Variants in ZNF679 observed in about 807,000 individuals in gnomAD.
ZNF679 encodes zinc finger protein 679, also known as hypothetical protein MGC42415.
ZNF679 carries 10 observed loss-of-function variants against 13.4 expected under a neutral mutation model. The observed-to-expected ratio is 0.75, with a 90% CI of 0.46 to 1.27. The LOEUF (loss-of-function observed/expected upper bound fraction) is 1.27, where lower values mean the gene tolerates loss of function less well. ZNF679 is among the 50% of genes most tolerant of loss of function. ZNF679 has a pLI of 0.00. For synonymous variants in ZNF679, 179 were observed against 162.5 expected (o/e 1.10, Z -0.77); for missense variants, 525 against 477.8 (o/e 1.10, Z -0.92).
intron 1 of ZNF679, 56 bp from the exon 2 acceptor site, chr7:64,248,972 G>A (rs1432318883): frequency 1.3e-4 from 150 of 1,162,432 alleles, no homozygotes; most frequent in Non-Finnish European, 4.9e-5. Flanking sequence ...CATGCAGCTG[G>A]AGAGAACAGG....
At chr7:64,231,975 T>C (rs1787645622) in intron 1 of ZNF679, among the ~76,000 whole-genome samples, 1 of 152,218 alleles carries the variant, frequency 6.6e-6, no homozygotes, top group Non-Finnish European at 1.5e-5. Flanking sequence ...CAATTCACAA[T>C]CTCAACAGTG....
intron 1 of ZNF679, among the ~76,000 whole-genome samples, chr7:64,242,704 T>G (rs1787814143): frequency 6.6e-6 from 1 of 152,144 alleles, no homozygotes; most frequent in African/African-American, 2.4e-5. Context: ...TGGGCCCTAC[T>G]ATAACACTCT....
chr7:64,230,841 G>A (rs1317896553), intron 1 of ZNF679, among the ~76,000 whole-genome samples: 2 of 152,206 alleles, frequency 1.3e-5, no homozygotes, highest in Non-Finnish European at 1.5e-5. Context: ...CAAGACCCCT[G>A]CAGACCTTTT....
chr7:64,240,395 A>T (rs1213677069), intron 1 of ZNF679, among the ~76,000 whole-genome samples: 1 of 152,178 alleles, frequency 6.6e-6, no homozygotes, highest in Non-Finnish European at 1.5e-5. Context: ...AAGAGAACAG[A>T]TTTTAACTCT....
At position 64,249,161 on chromosome 7, in the gene ZNF679, G is replaced by T; in HGVS notation, c.39+5G>T. ...TCCCCTGGAAGCCGAGAAATGGTGA[G>T]TGCTGGGTCTGTCACCGTGAGAGAG... On this transcript the variant is annotated splice_donor_5th_base_variant and intron_variant, in intron 2 of 4. Coordinates refer to ENST00000421025, the MANE Select transcript of ZNF679 (RefSeq NM_153363.3). 2 of 1,614,146 alleles carry T rather than the reference G, an allele frequency of 1.2e-6. No homozygotes were observed. The highest frequency in any genetic ancestry group is 2.2e-5 in the South Asian group (2 of 91,084).
intron 2 of ZNF679, among the ~76,000 whole-genome samples, chr7:64,255,523 TA>T (rs1048674178): frequency 6.6e-6 from 1 of 152,168 alleles, no homozygotes; most frequent in Admixed American, 6.5e-5. Context: ...GACACAGGAC[TA>T]AATCAGAGTA....
intron 1 of ZNF679, among the ~76,000 whole-genome samples, chr7:64,234,290 A>G (rs1787679363): frequency 6.6e-6 from 1 of 152,216 alleles, no homozygotes; most frequent in Non-Finnish European, 1.5e-5. Context: ...TGTGCACTCA[A>G]ACAGTGCAAA....
intron 4 of ZNF679, among the ~76,000 whole-genome samples, chr7:64,261,633 A>G (rs1229218641): frequency 6.6e-6 from 1 of 152,060 alleles, no homozygotes; most frequent in Non-Finnish European, 1.5e-5. Flanking sequence ...TTTTCTCATC[A>G]ACAACTTACA....
rs141724301 is a variant in ZNF679 at position 64,255,998 on chromosome 7, G to A, written c.40-4223G>A. On this transcript the variant is annotated intron_variant, in intron 2 of 4. Transcript: ENST00000421025. ...TAAAATCATATCATGAAGTTTTTGT[G>A]TGCAGATTATTTTATCACTCAGGTA... Among the ~76,000 whole-genome samples, 137 of 152,156 alleles carry A rather than the reference G, an allele frequency of 9.0e-4. 1 individual carries two copies. The highest frequency in any genetic ancestry group is 3.5e-3 in the South Asian group (17 of 4,814).
In ZNF679 at chr7:64,266,279, G is replaced by C. The variant is rs1241981396; in HGVS notation, c.646G>C (p.Glu216Gln). 6.3e-7 allele frequency: 1 copy of C among 1,597,782 alleles called. No individual in the cohort carries two copies. Among genetic ancestry groups the C allele is most frequent in the Admixed American group, 1.8e-5 (1 of 56,680 alleles). The change falls in exon 5 of 5, where the codon GAA becomes CAA. Residue 216 changes from glutamate to glutamine, a missense_variant. Coordinates refer to ENST00000421025, the MANE Select transcript of ZNF679 (RefSeq NM_153363.3). ...TAGGGAGAATTCCTACCAATGTGAA[G>C]AATGCGGCAAACCCTTCAACTGCTC... is the stretch of plus-strand genomic sequence containing the variant. ...HTRENSYQCE[E>Q]CGKPFNCSST...
chr7:64,246,359 T>C (rs1365640199), intron 1 of ZNF679, among the ~76,000 whole-genome samples: 1 of 152,152 alleles, frequency 6.6e-6, no homozygotes, highest in African/African-American at 2.4e-5. Flanking sequence ...CCTTTTGTGA[T>C]TCACTGAAAA....
At chr7:64,248,427 C>T (rs940870296) in intron 1 of ZNF679, among the ~76,000 whole-genome samples, 3 of 152,004 alleles carry the variant, frequency 2.0e-5, no homozygotes, top group African/African-American at 7.2e-5. Flanking sequence ...GGACTACAGA[C>T]GCCCGCCAAC....
In ZNF679 at chr7:64,266,356, A is replaced by T; in HGVS notation, c.723A>T (p.Arg241Ser). The change falls in exon 5 of 5, where the codon AGA becomes AGT. Residue 241 changes from arginine to serine, a missense_variant. Physicochemically the swap from Arg to Ser is moderately radical, Grantham distance 110. Coordinates refer to ENST00000421025, the MANE Select transcript of ZNF679 (RefSeq NM_153363.3). ...TTCATACTGGAGAGAAACCCTACAG[A>T]TGTGAGGAATGTGGCAAAGCTTTTA... ...KRIHTGEKPY[R>S]CEECGKAFTW... is the part of the protein sequence containing the mutation. 2 of 1,613,666 alleles carry T rather than the reference A, an allele frequency of 1.2e-6. No homozygotes were observed. The highest frequency in any genetic ancestry group is 3.3e-5 in the Admixed American group (2 of 59,956).
intron 1 of ZNF679, among the ~76,000 whole-genome samples, chr7:64,248,091 G>C (rs2116527444): frequency 6.6e-6 from 1 of 151,986 alleles, no homozygotes. Flanking sequence ...CTACAATCAT[G>C]ACCATGACAG....
At chr7:64,235,974 A>C (rs1030152852) in intron 1 of ZNF679, among the ~76,000 whole-genome samples, 1 of 152,302 alleles carries the variant, frequency 6.6e-6, no homozygotes, top group African/African-American at 2.4e-5. Context: ...TTCTTTTTTT[A>C]AAAAAGAAGA....
intron 1 of ZNF679, among the ~76,000 whole-genome samples, chr7:64,239,929 T>TC (rs1787773396): frequency 6.6e-6 from 1 of 152,108 alleles, no homozygotes; most frequent in African/African-American, 2.4e-5. Context: ...AAGTTATTCT[T>TC]CCCCCAGGGC....
At position 64,266,686 on chromosome 7, in the gene ZNF679, C is replaced by G; in HGVS notation, c.1053C>G (p.Pro351=). ...AGATAATTCATACTGGAGAGAAACC[C>G]TACAAATGTAAAGAATGTGGGAAAG... ...KHKIIHTGEK[P]YKCKECGKAF... is the part of the protein sequence containing the mutation. Residue 351 remains proline (P), a synonymous_variant, in exon 5 of 5, where the codon CCC becomes CCG. Coordinates refer to ENST00000421025, the MANE Select transcript of ZNF679 (RefSeq NM_153363.3). 3 of 1,613,442 alleles carry G rather than the reference C, an allele frequency of 1.9e-6. No individual in the cohort carries two copies. The highest frequency in any genetic ancestry group is 2.5e-6 in the Non-Finnish European group (3 of 1,179,726).
At chr7:64,248,978 A>G in intron 1 of ZNF679, 50 bp from the exon 2 acceptor site, 2 of 1,233,822 alleles carry the variant, frequency 1.6e-6, no homozygotes, top group Non-Finnish European at 2.3e-6. Context: ...GCTGGAGAGA[A>G]CAGGATGCCT....
intron 1 of ZNF679, among the ~76,000 whole-genome samples, chr7:64,234,318 G>C (rs1434860594): frequency 1.3e-5 from 2 of 152,216 alleles, no homozygotes; most frequent in Admixed American, 1.3e-4. Context: ...CTCCTGGTGG[G>C]TAATCAGAAT....
Sources: gnomAD v4.1 joint callset for allele counts (sites outside exome capture counted in the v4.1 genomes callset) on GRCh38, gnomAD v4.1.1 for gene constraint, MANE v1.5 for transcripts, NCBI Gene and HGNC (gene_info 2026-07-23, HGNC 2026-07-21) for gene names.